PARD3: variants seen among roughly 807,000 people sequenced by gnomAD.
The protein encoded by PARD3 is partitioning defective 3 homolog.
In PARD3, 75 loss-of-function variants were observed where a neutral mutation model predicts 155.4. That is an observed-to-expected ratio of 0.48 (90% confidence interval 0.40 to 0.58). The LOEUF is 0.58. PARD3 is among the 20% of genes least tolerant of loss of function. The pLI is 0.00. For missense variants in PARD3, 1,642 were observed against 1,721.7 expected (o/e 0.95, Z 0.82); for synonymous variants, 576 against 610.5 (o/e 0.94, Z 0.83).
intron 14 of PARD3, among the ~76,000 whole-genome samples, chr10:34,349,081 TAGAC>T (rs1232422624): frequency 1.9e-4 from 29 of 152,102 alleles, no homozygotes; most frequent in Middle Eastern, 3.2e-3. Flanking sequence ...GCTTTGATGT[TAGAC>T]AGACAGGAAG....
At chr10:34,626,378 T>C (rs1478157005) in intron 2 of PARD3, among the ~76,000 whole-genome samples, 2 of 152,228 alleles carry the variant, frequency 1.3e-5, no homozygotes, top group Non-Finnish European at 2.9e-5. Context: ...TGAAGTGTCT[T>C]ATCTGTTTCT....
chr10:34,776,834 G>T (rs59523716), intron 1 of PARD3, among the ~76,000 whole-genome samples: 4,527 of 53,524 alleles, frequency 0.085, 587 homozygotes, highest in African/African-American at 0.29. Flanking sequence ...GTGTTTTTTT[G>T]TGGGGGGGGG....
chr10:34,193,462 A>C (rs549743170), intron 22 of PARD3, among the ~76,000 whole-genome samples: 18 of 152,308 alleles, frequency 1.2e-4, no homozygotes, highest in Non-Finnish European at 1.5e-5. Context: ...TTCCCCTGCA[A>C]GTTAATAACA....
intron 3 of PARD3, among the ~76,000 whole-genome samples, chr10:34,498,355 G>A (rs989225849): frequency 2.0e-5 from 3 of 152,090 alleles, no homozygotes; most frequent in Admixed American, 6.5e-5. Flanking sequence ...AATAATCCAC[G>A]GAATATAACA....
chr10:34,231,833 CACA>C (rs1010189636), intron 22 of PARD3, among the ~76,000 whole-genome samples: 31 of 152,148 alleles, frequency 2.0e-4, no homozygotes, highest in African/African-American at 6.8e-4. Flanking sequence ...ACTTATTAAA[CACA>C]ACCTTAGTGA....
At chr10:34,147,948 C>T (rs1018297532) in intron 22 of PARD3, among the ~76,000 whole-genome samples, 3 of 152,122 alleles carry the variant, frequency 2.0e-5, no homozygotes, top group Non-Finnish European at 4.4e-5. Flanking sequence ...AAAACATCTG[C>T]TAAAACTCAG....
chr10:34,797,435 A>G (rs1430078596), intron 1 of PARD3, among the ~76,000 whole-genome samples: 1 of 152,168 alleles, frequency 6.6e-6, no homozygotes, highest in Non-Finnish European at 1.5e-5. Flanking sequence ...TACAGGCGTG[A>G]GGCACCGCAC....
intron 18 of PARD3, among the ~76,000 whole-genome samples, chr10:34,332,178 C>A (rs1439966275): frequency 6.6e-6 from 1 of 152,144 alleles, no homozygotes; most frequent in East Asian, 1.9e-4. Flanking sequence ...AAATTTGGCT[C>A]TATTTCCTGA....
chr10:34,226,499 A>C (rs1588848557), intron 22 of PARD3, among the ~76,000 whole-genome samples: 1 of 152,240 alleles, frequency 6.6e-6, no homozygotes, highest in African/African-American at 2.4e-5. Context: ...GCTGTGAGCC[A>C]AGATCGCACC....
intron 24 of PARD3, among the ~76,000 whole-genome samples, chr10:34,114,795 T>C (rs1278236557): frequency 6.6e-6 from 1 of 152,260 alleles, no homozygotes; most frequent in Admixed American, 6.5e-5. Context: ...CGGAAGCCCA[T>C]GTTCTTCCCA....
intron 3 of PARD3, among the ~76,000 whole-genome samples, chr10:34,485,078 C>T (rs2079357436): frequency 6.6e-6 from 1 of 152,198 alleles, no homozygotes; most frequent in Admixed American, 6.5e-5. Flanking sequence ...TGGCATACAT[C>T]TGTAATCCCA....
At chr10:34,798,933 C>T (rs1842586122) in intron 1 of PARD3, among the ~76,000 whole-genome samples, 1 of 152,214 alleles carries the variant, frequency 6.6e-6, no homozygotes, top group Non-Finnish European at 1.5e-5. Context: ...ACCTGAAGAG[C>T]TTCCTGAAGA....
intron 2 of PARD3, among the ~76,000 whole-genome samples, chr10:34,593,344 A>G (rs532961701): frequency 6.6e-6 from 1 of 152,312 alleles, no homozygotes; most frequent in South Asian, 2.1e-4. Flanking sequence ...AATTCAACAA[A>G]TATTTCTCAG....
In PARD3 at chr10:34,375,010, A is replaced by G; in HGVS notation, c.1540-8T>C. ...TAAATCTACTCCATTTACCTAAAACAAAACAAAAGTTTTCAGCTGTAATCC... is the reference window on the plus strand; with the variant it reads ...TAAATCTACTCCATTTACCTAAAACGAAACAAAAGTTTTCAGCTGTAATCC... On this transcript the variant is annotated splice_region_variant and splice_polypyrimidine_tract_variant and intron_variant, in intron 10 of 24. Coordinates refer to ENST00000374788, the MANE Select transcript of PARD3 (RefSeq NM_001184785.2). 2 of 1,612,542 alleles carry G rather than the reference A, an allele frequency of 1.2e-6. No homozygotes were observed. The highest frequency in any genetic ancestry group is 1.7e-6 in the Non-Finnish European group (2 of 1,179,268).
chr10:34,400,752 T>C (rs570720556), intron 6 of PARD3, among the ~76,000 whole-genome samples: 49 of 152,016 alleles, frequency 3.2e-4, no homozygotes, highest in Non-Finnish European at 6.2e-4. Flanking sequence ...TGCACAGATT[T>C]AATCACATGC....
intron 2 of PARD3, among the ~76,000 whole-genome samples, chr10:34,525,437 C>T (rs759648435): frequency 6.2e-4 from 94 of 152,198 alleles, no homozygotes; most frequent in Admixed American, 3.3e-4. Flanking sequence ...ACCTCAAACC[C>T]GTCTCAGGCT....
intron 22 of PARD3, among the ~76,000 whole-genome samples, chr10:34,199,379 G>A (rs1443926125): frequency 1.3e-5 from 2 of 152,148 alleles, no homozygotes; most frequent in Non-Finnish European, 2.9e-5. Flanking sequence ...TCGGTGACAG[G>A]GCTTAGCCTG....
chr10:34,653,069 T>C (rs2133072822), intron 2 of PARD3, among the ~76,000 whole-genome samples: 1 of 152,118 alleles, frequency 6.6e-6, no homozygotes, highest in South Asian at 2.1e-4. Flanking sequence ...GAGAACAAAG[T>C]GTGTTATGTG....
At chr10:34,655,423 T>C (rs1260298316) in intron 2 of PARD3, among the ~76,000 whole-genome samples, 1 of 152,114 alleles carries the variant, frequency 6.6e-6, no homozygotes, top group Non-Finnish European at 1.5e-5. Flanking sequence ...TGATCATACA[T>C]GACTGTGGGT....
Sources: allele counts gnomAD v4.1 joint callset (sites outside exome capture counted in the v4.1 genomes callset), GRCh38; gene constraint gnomAD v4.1.1; transcripts MANE v1.5; gene names NCBI Gene and HGNC (gene_info 2026-07-23, HGNC 2026-07-21).